Variants in EYA1 observed in about 807,000 individuals in gnomAD.
EYA1 encodes the protein protein phosphatase EYA1.
EYA1 carries 16 observed loss-of-function variants against 82.0 expected under a neutral mutation model. That is an observed-to-expected ratio of 0.20 (90% CI 0.13 to 0.30). The LOEUF (loss-of-function observed/expected upper bound fraction) is 0.30. EYA1 is among the 10% of genes least tolerant of loss of function. The pLI, the probability that EYA1 is intolerant of heterozygous loss-of-function variation, is 1.00. For missense variants in EYA1, 633 were observed against 730.7 expected, an observed-to-expected ratio of 0.87 and a Z score of 1.54; for synonymous variants, 261 against 264.4, an observed-to-expected ratio of 0.99 and a Z score of 0.12.
chr8:71,249,417 C>T (rs1813484439), intron 11 of EYA1, among the ~76,000 whole-genome samples: 1 of 151,742 alleles, frequency 6.6e-6, no homozygotes. Flanking sequence ...TTCTTCTTCA[C>T]ATGGTGGCAG....
At chr8:71,508,188 T>C (rs1311388315) in intron 2 of EYA1, among the ~76,000 whole-genome samples, 1 of 152,174 alleles carries the variant, frequency 6.6e-6, no homozygotes, top group Non-Finnish European at 1.5e-5. Context: ...TCAGAAAAAT[T>C]TTCTATCCAT....
chr8:71,398,852 G>A (rs1012415687), intron 2 of EYA1, among the ~76,000 whole-genome samples: 1 of 152,212 alleles, frequency 6.6e-6, no homozygotes, highest in African/African-American at 2.4e-5. Flanking sequence ...AGTCTGCAGA[G>A]GTTTCTGCTG....
intron 12 of EYA1, among the ~76,000 whole-genome samples, chr8:71,218,716 C>T (rs966309969): frequency 9.9e-5 from 15 of 152,138 alleles, no homozygotes; most frequent in Non-Finnish European, 2.2e-4. Context: ...GAATGATGAT[C>T]GCTTGTGTTT....
chr8:71,453,551 A>C (rs1385817242), intron 2 of EYA1, among the ~76,000 whole-genome samples: 1 of 152,250 alleles, frequency 6.6e-6, no homozygotes, highest in African/African-American at 2.4e-5. Flanking sequence ...AGGGAAGCCC[A>C]TCAGACTAAC....
chr8:71,487,397 G>C (rs1810655201), intron 2 of EYA1, among the ~76,000 whole-genome samples: 1 of 152,126 alleles, frequency 6.6e-6, no homozygotes, highest in Admixed American at 6.6e-5. Context: ...ACAAAGATCT[G>C]AGACTTTTCC....
At chr8:71,452,003 G>A (rs924232756) in intron 2 of EYA1, among the ~76,000 whole-genome samples, 1 of 152,190 alleles carries the variant, frequency 6.6e-6, no homozygotes, top group Admixed American at 6.5e-5. Context: ...AAGGGGTCAG[G>A]GAATTCCCTT....
At chr8:71,426,354 A>G (rs1345935189) in intron 2 of EYA1, among the ~76,000 whole-genome samples, 1 of 152,268 alleles carries the variant, frequency 6.6e-6, no homozygotes, top group African/African-American at 2.4e-5. Flanking sequence ...GGATGGCAGG[A>G]TATCAGATAT....
At chr8:71,421,757 C>A (rs1055958684) in intron 2 of EYA1, among the ~76,000 whole-genome samples, 1 of 152,152 alleles carries the variant, frequency 6.6e-6, no homozygotes, top group Non-Finnish European at 1.5e-5. Context: ...TGCTCTCTAA[C>A]CTTCAATTAA....
At chr8:71,523,473 C>T (rs932652138) in intron 2 of EYA1, among the ~76,000 whole-genome samples, 1 of 152,034 alleles carries the variant, frequency 6.6e-6, no homozygotes, top group Non-Finnish European at 1.5e-5. Context: ...CTACCGCGCC[C>T]GGCCAAAAAT....
At chr8:71,250,430 C>T (rs1236640795) in intron 11 of EYA1, among the ~76,000 whole-genome samples, 1 of 152,234 alleles carries the variant, frequency 6.6e-6, no homozygotes, top group Non-Finnish European at 1.5e-5. Context: ...CTCCACCTCC[C>T]TGATCCTTGC....
chr8:71,473,204 G>C (rs1464559016), intron 2 of EYA1, among the ~76,000 whole-genome samples: 2 of 151,912 alleles, frequency 1.3e-5, no homozygotes, highest in Admixed American at 1.3e-4. Flanking sequence ...TGACAAATGG[G>C]ATCTAATTAA....
chr8:71,346,151 A>T (rs1202012567), intron 3 of EYA1, among the ~76,000 whole-genome samples: 1 of 152,104 alleles, frequency 6.6e-6, no homozygotes, highest in Admixed American at 6.6e-5. Context: ...CAGGTTAAGC[A>T]TCACCAGCAT....
At chr8:71,364,764 T>C (rs1314839522), upstream of EYA1, among the ~76,000 whole-genome samples, 1 of 151,652 alleles carries the variant, frequency 6.6e-6, no homozygotes, top group Non-Finnish European at 1.5e-5. Context: ...ATGAAATGTT[T>C]GAAAACCCTC....
intron 2 of EYA1, among the ~76,000 whole-genome samples, chr8:71,520,856 T>G (rs1255176855): frequency 1.3e-5 from 2 of 152,114 alleles, no homozygotes; most frequent in Admixed American, 1.3e-4. Context: ...TCTCAAAAAT[T>G]AAAAAAAGTT....
intron 2 of EYA1, among the ~76,000 whole-genome samples, chr8:71,374,417 TC>T (rs1278265124): frequency 3.9e-5 from 6 of 152,132 alleles, no homozygotes; most frequent in Middle Eastern, 3.4e-3. Flanking sequence ...GAAATGCAAA[TC>T]AAAACCACCA....
chr8:71,290,251 C>T (rs1818851068), intron 9 of EYA1, among the ~76,000 whole-genome samples: 3 of 152,174 alleles, frequency 2.0e-5, no homozygotes, highest in Admixed American at 6.5e-5. Flanking sequence ...GAAGAGATGG[C>T]AAACACTCAT....
chr8:71,408,519 T>A, intron 2 of EYA1, among the ~76,000 whole-genome samples: 1 of 109,466 alleles, frequency 9.1e-6, no homozygotes, highest in African/African-American at 3.8e-5. Flanking sequence ...AATAAAAGGA[T>A]GGAGGAAGAT....
At chr8:71,272,646 G>A (rs1218476449) in intron 9 of EYA1, among the ~76,000 whole-genome samples, 1 of 152,146 alleles carries the variant, frequency 6.6e-6, no homozygotes, top group Admixed American at 6.5e-5. Flanking sequence ...GGAAGAGTCG[G>A]GCAGTGATTG....
chr8:71,277,775 A>G (rs1563384524), intron 9 of EYA1, among the ~76,000 whole-genome samples: 1 of 152,204 alleles, frequency 6.6e-6, no homozygotes, highest in South Asian at 2.1e-4. Context: ...AAAATTGATG[A>G]TTAGAAAAAT....
Sources: gnomAD v4.1 joint callset for allele counts (sites outside exome capture counted in the v4.1 genomes callset) on GRCh38, gnomAD v4.1.1 for gene constraint, MANE v1.5 for transcripts, NCBI Gene and HGNC (gene_info 2026-07-23, HGNC 2026-07-21) for gene names.